The following FREM1 variants were observed in gnomAD, a reference collection of about 807,000 sequenced individuals.
The protein encoded by FREM1 is FRAS1 related extracellular matrix 1.
In FREM1, 220 loss-of-function variants were observed where a neutral mutation model predicts 210.1. That is an observed-to-expected ratio of 1.05 (90% CI 0.94 to 1.17). The LOEUF (loss-of-function observed/expected upper bound fraction) is 1.17. FREM1 is among the 50% of genes most tolerant of loss of function. The pLI, the probability that FREM1 is intolerant of heterozygous loss-of-function variation, is 0.00. For missense variants in FREM1, 3,454 were observed against 2,675.5 expected, an observed-to-expected ratio of 1.29 and a Z score of -6.42; for synonymous variants, 1,189 against 980.2, an observed-to-expected ratio of 1.21 and a Z score of -3.98.
chr9:14,875,476 A>C (rs967259277), intron 1 of FREM1, among the ~76,000 whole-genome samples: 1 of 152,110 alleles, frequency 6.6e-6, no homozygotes, highest in South Asian at 2.1e-4. Flanking sequence ...TCGGCTCCTG[A>C]GGCTTCTGCA....
intron 30 of FREM1, among the ~76,000 whole-genome samples, chr9:14,749,319 G>GA (rs1399352909): frequency 6.6e-6 from 1 of 152,130 alleles, no homozygotes; most frequent in African/African-American, 2.4e-5. Context: ...AGGTAGTGGG[G>GA]AGAGATGTTG....
At chr9:14,880,198 A>C (rs1834537705) in intron 1 of FREM1, among the ~76,000 whole-genome samples, 1 of 152,184 alleles carries the variant, frequency 6.6e-6, no homozygotes, top group African/African-American at 2.4e-5. Context: ...GTGAGGAATA[A>C]AGTTCTATTC....
Position 14,806,699 on chromosome 9 carries a change from G to T in FREM1, c.3236C>A (p.Ser1079Tyr), listed in dbSNP as rs1164614395. 1 of 1,602,778 alleles carries T rather than the reference G, an allele frequency of 6.2e-7. No homozygotes were observed. The highest frequency in any genetic ancestry group is 8.5e-7 in the Non-Finnish European group (1 of 1,174,276). ...AATATTGCTTTTTTCAAAACCCACA[G>T]AAGGGAGTATATTTTCGAGGTAGCC... ...QFGYLENILP[S>Y]VGFEKSNIGI... Residue 1079 changes from serine to tyrosine, a missense_variant, in exon 18 of 37, where the codon TCT (serine) becomes TAT (tyrosine). Ser to Tyr is a moderately radical substitution (Grantham distance 144). Transcript: ENST00000380880.
At chr9:14,820,590 G>A (rs1821117053) in intron 13 of FREM1, among the ~76,000 whole-genome samples, 1 of 152,234 alleles carries the variant, frequency 6.6e-6, no homozygotes, top group Admixed American at 6.5e-5. Flanking sequence ...CCACGGCACA[G>A]TGCTGGTACC....
At chr9:14,828,603 G>A (rs1387417717) in intron 10 of FREM1, among the ~76,000 whole-genome samples, 2 of 127,630 alleles carry the variant, frequency 1.6e-5, no homozygotes. Context: ...GATGGAATTA[G>A]TATATTTTGT....
intron 27 of FREM1, among the ~76,000 whole-genome samples, chr9:14,767,663 C>T (rs1192128376): frequency 6.6e-6 from 1 of 152,078 alleles, no homozygotes; most frequent in Non-Finnish European, 1.5e-5. Context: ...CTATTCATAA[C>T]CTTGCTTTTT....
chr9:14,904,497 T>C (rs1258576271), intron 1 of FREM1, among the ~76,000 whole-genome samples: 1 of 151,684 alleles, frequency 6.6e-6, no homozygotes, highest in Non-Finnish European at 1.5e-5. Context: ...CAAAAACAAG[T>C]GCATATGTAT....
intron 27 of FREM1, among the ~76,000 whole-genome samples, chr9:14,764,339 G>A (rs1021058741): frequency 1.8e-4 from 27 of 152,004 alleles, no homozygotes; most frequent in African/African-American, 5.1e-4. Context: ...TACAACCATC[G>A]AAAATATTTT....
At chr9:14,821,060 T>A (rs554366372) in intron 13 of FREM1, among the ~76,000 whole-genome samples, 1 of 152,310 alleles carries the variant, frequency 6.6e-6, no homozygotes, top group South Asian at 2.1e-4. Context: ...TCATTAGTCA[T>A]TAGCTTTTTA....
At chr9:14,774,794 G>A (rs888049716) in intron 25 of FREM1, among the ~76,000 whole-genome samples, 1 of 152,148 alleles carries the variant, frequency 6.6e-6, no homozygotes, top group African/African-American at 2.4e-5. Context: ...ATGTGGCAGT[G>A]TAGTGTCATA....
In FREM1 at chr9:14,816,830, A is replaced by G; in HGVS notation, c.2588T>C (p.Leu863Pro). 6.9e-7 allele frequency: 1 copy of G among 1,446,344 alleles called. No individual in the cohort carries two copies. Among genetic ancestry groups the G allele is most frequent in the Non-Finnish European group, 9.3e-7 (1 of 1,071,226 alleles). 89.6% of individuals were successfully genotyped at this position (1,446,344 alleles called of 1,614,324 possible). A position where few individuals can be genotyped will look rare whatever the true frequency, so the allele number is the denominator to read the frequency against. ...DGTEVLQDDL[L>P]LEVTDGTNSA... ...ATTTGTGCCATCGGTGACCTCCAAG[A>G]GTAGGTCATCCTGAAGAACTTCAGT... The change falls in exon 15 of 37, where the codon CTC becomes CCC. Residue 863 changes from leucine (L) to proline (P), a missense_variant. Coordinates refer to ENST00000380880, the MANE Select transcript of FREM1 (RefSeq NM_001379081.2).
chr9:14,776,225 G>T, intron 24 of FREM1, 22 bp from the exon 25 acceptor site: 1 of 1,510,168 alleles, frequency 6.6e-7, no homozygotes, highest in Non-Finnish European at 8.9e-7. Context: ...AGGCAAGGCA[G>T]CCTTCAGCAT....
At chr9:14,869,621 T>C (rs1832214791) in intron 1 of FREM1, among the ~76,000 whole-genome samples, 1 of 152,220 alleles carries the variant, frequency 6.6e-6, no homozygotes, top group Non-Finnish European at 1.5e-5. Context: ...ATGAGGATTA[T>C]AATCTAATTT....
At chr9:14,859,129 G>T in intron 4 of FREM1, 54 bp downstream of exon 4, 1 of 1,398,398 alleles carries the variant, frequency 7.2e-7, no homozygotes, top group Non-Finnish European at 9.7e-7. Flanking sequence ...GAGCATGCAT[G>T]GATATTTTTG....
At chr9:14,898,564 A>C (rs1838186303) in intron 1 of FREM1, among the ~76,000 whole-genome samples, 1 of 152,158 alleles carries the variant, frequency 6.6e-6, no homozygotes, top group Non-Finnish European at 1.5e-5. Flanking sequence ...CAACATGGCG[A>C]AACCTCGTCA....
At chr9:14,793,800 A>G (rs1318841718) in intron 21 of FREM1, among the ~76,000 whole-genome samples, 1 of 152,202 alleles carries the variant, frequency 6.6e-6, no homozygotes, top group African/African-American at 2.4e-5. Flanking sequence ...CTCTGCGGAG[A>G]TGCCAAAACC....
intron 10 of FREM1, among the ~76,000 whole-genome samples, chr9:14,838,939 A>T (rs1450479220): frequency 6.6e-6 from 1 of 152,192 alleles, no homozygotes; most frequent in Non-Finnish European, 1.5e-5. Context: ...CTGATGTTAG[A>T]GCTGACAGCA....
At chr9:14,771,237 C>T (rs1847515536) in intron 25 of FREM1, among the ~76,000 whole-genome samples, 1 of 152,116 alleles carries the variant, frequency 6.6e-6, no homozygotes, top group Non-Finnish European at 1.5e-5. Flanking sequence ...AAGAACTTCT[C>T]CTATTTTCCT....
chr9:14,830,202 C>T (rs190801266), intron 10 of FREM1, among the ~76,000 whole-genome samples: 64 of 152,206 alleles, frequency 4.2e-4, no homozygotes, highest in Middle Eastern at 3.4e-3. Context: ...GAACCCATTC[C>T]CACAAGAAAG....
Sources: allele counts gnomAD v4.1 joint callset (sites outside exome capture counted in the v4.1 genomes callset), GRCh38; gene constraint gnomAD v4.1.1; transcripts MANE v1.5; gene names NCBI Gene and HGNC (gene_info 2026-07-23, HGNC 2026-07-21).